LRP1B: variants seen among roughly 807,000 people sequenced by gnomAD.
LRP1B encodes the protein low-density lipoprotein receptor-related protein 1B.
In LRP1B, 217 loss-of-function variants were observed where a neutral mutation model predicts 556.6. The ratio of observed to expected loss-of-function variants is 0.39; its 90% confidence interval spans 0.35 to 0.44. The LOEUF (loss-of-function observed/expected upper bound fraction) is 0.44. Ranked by LOEUF, LRP1B falls within the 20% of genes least tolerant of loss-of-function variation. LRP1B has a pLI of 1.00. For synonymous variants in LRP1B, 2,047 were observed against 1,865.8 expected, an observed-to-expected ratio of 1.10 and a Z score of -2.50; for missense variants, 5,053 against 5,620.8, an observed-to-expected ratio of 0.90 and a Z score of 3.23.
intron 32 of LRP1B, among the ~76,000 whole-genome samples, chr2:140,806,865 T>C (rs1299655021): frequency 6.6e-6 from 1 of 152,250 alleles, no homozygotes; most frequent in Non-Finnish European, 1.5e-5. Flanking sequence ...GACTATTGTT[T>C]CTGTGACAAT....
At chr2:141,523,372 T>C (rs184663254) in intron 2 of LRP1B, among the ~76,000 whole-genome samples, 2 of 152,230 alleles carry the variant, frequency 1.3e-5, no homozygotes, top group African/African-American at 4.8e-5. Context: ...AAATCCTTAC[T>C]TTCTAGTTAT....
intron 2 of LRP1B, among the ~76,000 whole-genome samples, chr2:141,483,997 G>T (rs538247229): frequency 6.6e-6 from 1 of 152,150 alleles, no homozygotes; most frequent in East Asian, 1.9e-4. Context: ...TTTGGCTTTT[G>T]TTGCCATTGC....
At chr2:141,139,790 TGTGTGTGTG>T (rs1558887150) in intron 7 of LRP1B, among the ~76,000 whole-genome samples, 10 of 109,036 alleles carry the variant, frequency 9.2e-5, no homozygotes, top group African/African-American at 5.2e-4. Context: ...AATGTGTGTG[TGTGTGTGTG>T]TGTGTGTGTG....
chr2:140,964,251 T>A (rs1696128024), intron 18 of LRP1B, among the ~76,000 whole-genome samples: 1 of 152,118 alleles, frequency 6.6e-6, no homozygotes, highest in South Asian at 2.1e-4. Context: ...GAGCCAGGTG[T>A]ACAGGATGGA....
At chr2:141,540,688 A>G (rs1685227531) in intron 2 of LRP1B, among the ~76,000 whole-genome samples, 1 of 152,040 alleles carries the variant, frequency 6.6e-6, no homozygotes, top group Admixed American at 6.6e-5. Flanking sequence ...GTCTTTAAAA[A>G]ATGAGACTAA....
chr2:140,448,002 C>A (rs1328075160), intron 63 of LRP1B, among the ~76,000 whole-genome samples: 4 of 151,774 alleles, frequency 2.6e-5, no homozygotes, highest in Non-Finnish European at 4.4e-5. Context: ...TGTTCCAAAA[C>A]AATTACAATA....
At chr2:141,083,574 G>A (rs1248461919) in intron 7 of LRP1B, among the ~76,000 whole-genome samples, 9 of 152,128 alleles carry the variant, frequency 5.9e-5, no homozygotes, top group Admixed American at 5.9e-4. Flanking sequence ...TTACCAATGT[G>A]GCGATGTTAA....
intron 2 of LRP1B, among the ~76,000 whole-genome samples, chr2:141,706,051 C>T (rs1463161720): frequency 6.6e-6 from 1 of 151,990 alleles, no homozygotes; most frequent in Non-Finnish European, 1.5e-5. Flanking sequence ...TTCATGCTTC[C>T]ATTCCTATAA....
chr2:141,488,972 T>TTC (rs150200090), intron 2 of LRP1B, among the ~76,000 whole-genome samples: 8 of 26,858 alleles, frequency 3.0e-4, no homozygotes, highest in Non-Finnish European at 1.1e-3. Context: ...TTTGTTTTTT[T>TTC]TTGTTTGTTT....
At chr2:140,556,915 A>G (rs544941998) in intron 43 of LRP1B, among the ~76,000 whole-genome samples, 1 of 152,218 alleles carries the variant, frequency 6.6e-6, no homozygotes, top group East Asian at 1.9e-4. Context: ...TAATGGTGGG[A>G]AAGTAAGTTC....
At chr2:141,545,418 A>G (rs1685516446) in intron 2 of LRP1B, among the ~76,000 whole-genome samples, 1 of 152,226 alleles carries the variant, frequency 6.6e-6, no homozygotes, top group Admixed American at 6.5e-5. Context: ...TCCATGTCTT[A>G]ATGCCCAGAA....
intron 1 of LRP1B, among the ~76,000 whole-genome samples, chr2:142,051,890 T>G (rs1245475188): frequency 6.6e-6 from 1 of 152,176 alleles, no homozygotes; most frequent in African/African-American, 2.4e-5. Context: ...ACAAACATAC[T>G]GGAAGACAGT....
chr2:142,117,264 T>C (rs1707304634), intron 1 of LRP1B, among the ~76,000 whole-genome samples: 1 of 152,146 alleles, frequency 6.6e-6, no homozygotes, highest in Non-Finnish European at 1.5e-5. Flanking sequence ...CATTAATGAT[T>C]TTCTCTGCAT....
At chr2:140,713,588 T>A (rs116363744) in intron 37 of LRP1B, among the ~76,000 whole-genome samples, 4 of 152,116 alleles carry the variant, frequency 2.6e-5, no homozygotes, top group Non-Finnish European at 4.4e-5. Flanking sequence ...GGTCCAGGAC[T>A]GGTTTGGAGT....
chr2:140,638,497 ACTCT>A (rs1188434262), intron 41 of LRP1B, among the ~76,000 whole-genome samples: 1 of 152,102 alleles, frequency 6.6e-6, no homozygotes, highest in Non-Finnish European at 1.5e-5. Context: ...AAAAGATTAA[ACTCT>A]CTGAGGATGG....
chr2:140,522,068 C>G (rs1443027727), intron 49 of LRP1B, among the ~76,000 whole-genome samples: 2 of 151,950 alleles, frequency 1.3e-5, no homozygotes, highest in African/African-American at 4.8e-5. Flanking sequence ...GAATGTAATT[C>G]AACACTTGAC....
chr2:141,579,685 T>C (rs16846518), intron 2 of LRP1B, among the ~76,000 whole-genome samples: 33,916 of 150,042 alleles, frequency 0.23, 4,858 homozygotes, highest in East Asian at 0.49. Flanking sequence ...TTTGCTTAAG[T>C]GTACTCTTAA....
chr2:140,272,258 A>AACAC (rs10654741), intron 85 of LRP1B, among the ~76,000 whole-genome samples: 10,642 of 149,258 alleles, frequency 0.071, 469 homozygotes, highest in Admixed American at 0.14. Context: ...TGCACACACA[A>AACAC]ACACACACAC....
At chr2:141,678,465 C>G (rs959258027) in intron 2 of LRP1B, among the ~76,000 whole-genome samples, 5 of 151,990 alleles carry the variant, frequency 3.3e-5, no homozygotes, top group Non-Finnish European at 1.5e-5. Flanking sequence ...ATGTTGCCAA[C>G]AAGTCAATTA....
Sources: allele counts gnomAD v4.1 joint callset (sites outside exome capture counted in the v4.1 genomes callset), GRCh38; gene constraint gnomAD v4.1.1; transcripts MANE v1.5; gene names NCBI Gene and HGNC (gene_info 2026-07-23, HGNC 2026-07-21).